The following KCNMB2 variants were observed in gnomAD, a reference collection of about 807,000 sequenced individuals.
KCNMB2 encodes the protein calcium-activated potassium channel subunit beta-2.
KCNMB2 carries 9 observed loss-of-function variants against 24.5 expected under a neutral mutation model. That is an observed-to-expected ratio of 0.37 (90% CI 0.22 to 0.64). KCNMB2 has a LOEUF of 0.64. Among genes scored for constraint, KCNMB2 ranks in the 30% least tolerant of loss-of-function variants. KCNMB2 has a pLI of 0.63. For synonymous variants in KCNMB2, 109 were observed against 104.4 expected (o/e 1.04, Z -0.27); for missense variants, 226 against 284.3 (o/e 0.79, Z 1.47).
intron 1 of KCNMB2, among the ~76,000 whole-genome samples, chr3:178,750,462 C>T (rs1723806873): frequency 6.6e-6 from 1 of 152,092 alleles, no homozygotes; most frequent in African/African-American, 2.4e-5. Flanking sequence ...TTGATAAGGG[C>T]AATAGAAAGG....
intron 1 of KCNMB2, among the ~76,000 whole-genome samples, chr3:178,632,505 G>A (rs1051330498): frequency 2.6e-5 from 4 of 152,094 alleles, no homozygotes; most frequent in Non-Finnish European, 5.9e-5. Context: ...GAGAAAAAGG[G>A]GAAATGCCAC....
rs748004942 is a variant in KCNMB2 at position 178,842,901 on chromosome 3, CCTA to C, written c.676_678del (p.Leu226del). The C allele has an allele frequency of 2.5e-6, 4 of 1,613,626 alleles. No homozygotes were observed. In the Admixed American group the frequency reaches 6.7e-5, roughly 27 times the overall value. ...TGGTGAAACTTACACAGTACCTCTCCCTACTATGTGAGAGGATCCAACGGATCA... is the reference window on the plus strand; with the variant it reads ...TGGTGAAACTTACACAGTACCTCTCCCTATGTGAGAGGATCCAACGGATCA... On this transcript the variant is annotated inframe_deletion, in exon 5 of 5. Transcript: ENST00000452583.
intron 1 of KCNMB2, among the ~76,000 whole-genome samples, chr3:178,643,486 T>G (rs1335589201): frequency 6.6e-6 from 1 of 152,228 alleles, no homozygotes; most frequent in Non-Finnish European, 1.5e-5. Context: ...TATATTGTAT[T>G]ACAGTTGTGC....
intron 1 of KCNMB2, among the ~76,000 whole-genome samples, chr3:178,688,594 G>A (rs948772441): frequency 6.6e-6 from 1 of 152,038 alleles, no homozygotes; most frequent in African/African-American, 2.4e-5. Flanking sequence ...ATATCCCAGA[G>A]GCCTGAAATG....
In KCNMB2 at chr3:178,633,218, G is replaced by T. The variant is rs141999556; in HGVS notation, c.-68+96507G>T. 5.9e-3 allele frequency among the ~76,000 whole-genome samples: 899 copies of T among 152,300 alleles called. 10 individuals carry two copies. Among genetic ancestry groups the T allele is most frequent in the African/African-American group, 0.021 (854 of 41,574 alleles). ...TGGCTCTACCATTCTGGGGTCTGAAGAATGGTGGCCCTCTTCTCACAGATC... is the reference window on the plus strand; with the variant it reads ...TGGCTCTACCATTCTGGGGTCTGAATAATGGTGGCCCTCTTCTCACAGATC... On this transcript the variant is annotated intron_variant, in intron 1 of 4. Coordinates refer to ENST00000452583, the MANE Select transcript of KCNMB2 (RefSeq NM_181361.3).
chr3:178,665,119 G>A (rs1320820523), intron 1 of KCNMB2, among the ~76,000 whole-genome samples: 1 of 152,086 alleles, frequency 6.6e-6, no homozygotes, highest in African/African-American at 2.4e-5. Flanking sequence ...TTTGCTGACA[G>A]ACAAGTTTAA....
intron 1 of KCNMB2, among the ~76,000 whole-genome samples, chr3:178,793,358 G>C (rs1713399498): frequency 6.6e-6 from 1 of 152,152 alleles, no homozygotes; most frequent in Admixed American, 6.5e-5. Flanking sequence ...TCTAAAACGT[G>C]ACAAGAATTT....
At chr3:178,545,348 G>C (rs1715740612) in intron 1 of KCNMB2, among the ~76,000 whole-genome samples, 1 of 152,150 alleles carries the variant, frequency 6.6e-6, no homozygotes, top group Non-Finnish European at 1.5e-5. Flanking sequence ...TAATGAGTTT[G>C]GTTTTGTAAG....
intron 1 of KCNMB2, among the ~76,000 whole-genome samples, chr3:178,757,587 C>A (rs1202767432): frequency 3.5e-5 from 1 of 28,536 alleles, no homozygotes; most frequent in Non-Finnish European, 7.0e-5. Context: ...TATATATATC[C>A]AAGAGGATAT....
At chr3:178,781,466 C>T (rs950002495) in intron 1 of KCNMB2, among the ~76,000 whole-genome samples, 1 of 152,068 alleles carries the variant, frequency 6.6e-6, no homozygotes, top group African/African-American at 2.4e-5. Context: ...GTGGCACACG[C>T]CTGTAATCCC....
chr3:178,783,398 A>C (rs1712955489), intron 1 of KCNMB2, among the ~76,000 whole-genome samples: 1 of 150,436 alleles, frequency 6.6e-6, no homozygotes, highest in Non-Finnish European at 1.5e-5. Flanking sequence ...GGCCATTTTC[A>C]CGATATTGAT....
rs145123683 is a variant in KCNMB2 at position 178,698,583 on chromosome 3, C to A, written c.-67-108760C>A. 3.9e-3 allele frequency among the ~76,000 whole-genome samples: 595 copies of A among 152,296 alleles called. 3 individuals are homozygous for A. Among genetic ancestry groups the A allele is most frequent in the Admixed American group, 5.9e-3 (90 of 15,300 alleles). On this transcript the variant is annotated intron_variant, in intron 1 of 4. Transcript: ENST00000452583. ...CATACTCCTGTAGCTCAGTGAATTT[C>A]TTTCCTATCTATATACCGAATTCTA...
chr3:178,642,079 G>C (rs925498516), intron 1 of KCNMB2, among the ~76,000 whole-genome samples: 3 of 152,026 alleles, frequency 2.0e-5, no homozygotes, highest in African/African-American at 7.2e-5. Context: ...ATAATATACA[G>C]CAGTTTATTC....
At chr3:178,730,308 C>A (rs1291297122) in intron 1 of KCNMB2, among the ~76,000 whole-genome samples, 1 of 152,046 alleles carries the variant, frequency 6.6e-6, no homozygotes, top group Non-Finnish European at 1.5e-5. Context: ...TAGATATTTA[C>A]GGTACTTGCA....
At chr3:178,679,552 C>T (rs1721195448) in intron 1 of KCNMB2, among the ~76,000 whole-genome samples, 1 of 152,170 alleles carries the variant, frequency 6.6e-6, no homozygotes, top group Middle Eastern at 3.2e-3. Context: ...TGATTCTACA[C>T]AAAGCTCAGA....
chr3:178,749,475 T>C (rs957337275), intron 1 of KCNMB2, among the ~76,000 whole-genome samples: 4 of 152,222 alleles, frequency 2.6e-5, no homozygotes, highest in African/African-American at 9.6e-5. Flanking sequence ...CCTTTCAACC[T>C]TTCCACTTCA....
At chr3:178,651,672 A>G (rs1720126362) in intron 1 of KCNMB2, among the ~76,000 whole-genome samples, 1 of 152,216 alleles carries the variant, frequency 6.6e-6, no homozygotes. Context: ...TTCAAACTAT[A>G]CTACAAGGCT....
At position 178,560,270 on chromosome 3, in the gene KCNMB2, G is replaced by C. The variant is rs73181160; in HGVS notation, c.-68+23559G>C. Among the ~76,000 whole-genome samples the C allele has an allele frequency of 3.7e-3, 564 of 152,188 alleles. 3 individuals carry two copies. The highest frequency in any genetic ancestry group is 4.3e-3 in the Non-Finnish European group (293 of 67,998). ...GGGCTAATTTATTAGCAACAACAGA[G>C]TGAGTTAGAGATAAGAAAGGATGAG... On this transcript the variant is annotated intron_variant, in intron 1 of 4. Coordinates refer to ENST00000452583, the MANE Select transcript of KCNMB2 (RefSeq NM_181361.3).
intron 1 of KCNMB2, among the ~76,000 whole-genome samples, chr3:178,759,470 TATATATATATATATATATCTCCAAGAGG>T (rs1711603117): frequency 1.7e-5 from 1 of 57,714 alleles, no homozygotes; most frequent in Non-Finnish European, 3.3e-5. Flanking sequence ...TCCAAGAGGA[TATATATATATATATATATCTCCAAGAGG>T]ATATATATAT....
Sources: gnomAD v4.1 joint callset for allele counts (sites outside exome capture counted in the v4.1 genomes callset) on GRCh38, gnomAD v4.1.1 for gene constraint, MANE v1.5 for transcripts, NCBI Gene and HGNC (gene_info 2026-07-23, HGNC 2026-07-21) for gene names.